Variants in UNC13B observed in about 807,000 individuals in gnomAD.
The protein encoded by UNC13B is protein unc-13 homolog B.
A neutral mutation model predicts 211.0 loss-of-function variants in UNC13B; 144 were observed. That is an observed-to-expected ratio of 0.68 (90% CI 0.60 to 0.78). The LOEUF is 0.78. Ranked by LOEUF, UNC13B falls within the 30% of genes least tolerant of loss-of-function variation. UNC13B has a pLI of 0.00. For synonymous variants in UNC13B, 709 were observed against 725.8 expected (o/e 0.98, Z 0.37); for missense variants, 1,777 against 2,002.0 (o/e 0.89, Z 2.14).
intron 11 of UNC13B, chr9:35,342,389 G>C (rs1029032313): frequency 1.0e-6 from 1 of 983,814 alleles, no homozygotes; most frequent in African/African-American, 1.7e-5. Flanking sequence ...AACAAGCAGG[G>C]CAAAAGGAAA....
intron 7 of UNC13B, among the ~76,000 whole-genome samples, chr9:35,271,569 C>T (rs1359957705): frequency 6.6e-6 from 1 of 152,168 alleles, no homozygotes; most frequent in Non-Finnish European, 1.5e-5. Flanking sequence ...CTGGTCTGTT[C>T]CTTTTCCAAA....
chr9:35,313,313 G>GT (rs1830274761), intron 10 of UNC13B, among the ~76,000 whole-genome samples: 1 of 152,076 alleles, frequency 6.6e-6, no homozygotes, highest in Admixed American at 6.6e-5. Flanking sequence ...TGCTCATTGG[G>GT]TAAATGAAAA....
chr9:35,314,139 G>C, intron 11 of UNC13B, 150 bp downstream of exon 11: 1 of 685,002 alleles, frequency 1.5e-6, no homozygotes, highest in Non-Finnish European at 2.6e-6. Flanking sequence ...TAAGGGATGG[G>C]AAGTGGCCAG....
rs1277382894 is a variant in UNC13B, at chr9:35,376,248, G to A, written c.9835+1G>A. 9 of 1,613,068 alleles carry A rather than the reference G, an allele frequency of 5.6e-6. No individual in the cohort carries two copies. The highest frequency in any genetic ancestry group is 2.2e-5 in the East Asian group (1 of 44,892). ...CTGCTCAATGCTGACTGCCTGCAGC[G>A]TGAGTGCCCTGCGGGATGAGGGGCG... On this transcript the variant is annotated splice_donor_variant, in intron 15 of 39. Transcript: ENST00000635942. LOFTEE classifies it high-confidence loss of function.
intron 26 of UNC13B, among the ~76,000 whole-genome samples, chr9:35,393,744 G>A (rs1328058246): frequency 3.3e-5 from 5 of 151,934 alleles, no homozygotes; most frequent in African/African-American, 9.7e-5. Context: ...GCTAATTTTT[G>A]TATTTTTAGT....
At chr9:35,384,837 G>C in intron 22 of UNC13B, 3 of 774,876 alleles carry the variant, frequency 3.9e-6, no homozygotes, top group Non-Finnish European at 4.7e-6. Flanking sequence ...GACAGGATAA[G>C]GAAATGGGCA....
rs978912403 is a variant in UNC13B, at chr9:35,300,584, C to T, written c.1180C>T (p.Gln394Ter). The change falls in exon 9 of 40, where the codon CAG becomes TAG. Residue 394 changes from glutamine to a stop codon, truncating the protein, a stop_gained. Coordinates refer to ENST00000635942, the MANE Select transcript of UNC13B (RefSeq NM_001371189.2). LOFTEE classifies it high-confidence loss of function. ...CATTTCTGATAAGCAGGAAAATTTA[C>T]AGTCACCAACATGGCATTCATCCAA... ...SPISDKQENLQSPTWHSSNVH... is the reference protein window; with the variant it reads ...SPISDKQENL 3 of 399,006 alleles carry T rather than the reference C, an allele frequency of 7.5e-6. No individual in the cohort carries two copies. The highest frequency in any genetic ancestry group is 8.8e-6 in the Non-Finnish European group (2 of 226,026). The allele number at this position is 399,006 out of a possible 1,614,324, so 24.7% of individuals were successfully genotyped here.
intron 6 of UNC13B, 56 bp downstream of exon 6, chr9:35,243,420 T>A: frequency 6.3e-7 from 1 of 1,586,800 alleles, no homozygotes; most frequent in Non-Finnish European, 8.6e-7. Context: ...CCAATGCTCT[T>A]TATAGGTTGC....
intron 11 of UNC13B, chr9:35,360,634 TC>T (rs1396716629): frequency 1.3e-5 from 2 of 152,174 alleles, no homozygotes; most frequent in East Asian, 3.8e-4. Flanking sequence ...CACATTAGGT[TC>T]TTTTAAAATT....
chr9:35,253,847 A>G (rs1363434135), intron 6 of UNC13B, among the ~76,000 whole-genome samples: 1 of 152,190 alleles, frequency 6.6e-6, no homozygotes, highest in Admixed American at 6.5e-5. Context: ...TGGTTGTAGG[A>G]TATGCTCTGT....
intron 11 of UNC13B, among the ~76,000 whole-genome samples, chr9:35,339,326 TC>T (rs1831847684): frequency 6.6e-6 from 1 of 152,194 alleles, no homozygotes; most frequent in Admixed American, 6.5e-5. Context: ...AAGCACCCCA[TC>T]CTTTCGGCCT....
chr9:35,257,760 T>G (rs1341459949), intron 6 of UNC13B, among the ~76,000 whole-genome samples: 1 of 152,032 alleles, frequency 6.6e-6, no homozygotes, highest in Non-Finnish European at 1.5e-5. Flanking sequence ...ATAAAGTATA[T>G]TTTATATACA....
At chr9:35,355,910 A>G (rs1832992602) in intron 11 of UNC13B, among the ~76,000 whole-genome samples, 1 of 152,242 alleles carries the variant, frequency 6.6e-6, no homozygotes, top group Admixed American at 6.5e-5. Context: ...ATGAGCACCA[A>G]TGATGAGGAC....
intron 9 of UNC13B, among the ~76,000 whole-genome samples, chr9:35,309,271 A>G (rs1830073380): frequency 6.6e-6 from 1 of 151,126 alleles, no homozygotes; most frequent in Non-Finnish European, 1.5e-5. Flanking sequence ...GTGTATACTT[A>G]TGTACAAGTA....
intron 24 of UNC13B, 27 bp from the exon 25 acceptor site, chr9:35,389,819 C>G (rs1835416096): frequency 6.2e-7 from 1 of 1,613,144 alleles, no homozygotes; most frequent in South Asian, 1.1e-5. Context: ...CTTTCTCCCT[C>G]TCTCTCACTG....
At chr9:35,385,876 A>T (rs1587746289) in intron 23 of UNC13B, 63 bp downstream of exon 23, 1 of 1,562,518 alleles carries the variant, frequency 6.4e-7, no homozygotes, top group East Asian at 2.3e-5. Context: ...GAACGTGAAG[A>T]ATGAGAATCA....
chr9:35,257,580 CAAAAAAAAAAAAAAAAA>C (rs1160474466), intron 6 of UNC13B, among the ~76,000 whole-genome samples: 14 of 36,378 alleles, frequency 3.8e-4, no homozygotes, highest in African/African-American at 2.2e-3. Context: ...GAATCTGTAT[CAAAAAAAAAAAAAAAAA>C]AAAAAAAAAA....
In UNC13B at chr9:35,242,393, A is replaced by C. The variant is rs373926421; in HGVS notation, c.395-898A>C. 7.6e-4 allele frequency among the ~76,000 whole-genome samples: 115 copies of C among 152,260 alleles called. 1 individual carries two copies. The South Asian group carries it at 0.019, about 25-fold the overall frequency. On this transcript the variant is annotated intron_variant, in intron 5 of 39. Coordinates refer to ENST00000635942, the MANE Select transcript of UNC13B (RefSeq NM_001371189.2). ...ACATTGTTGTGCAACAGATATCCAGAACTTTTTCACCTTGCAAAACTAAAA... is the reference window on the plus strand; with the variant it reads ...ACATTGTTGTGCAACAGATATCCAGCACTTTTTCACCTTGCAAAACTAAAA...
Position 35,403,810 on chromosome 9 carries a change from G to T in UNC13B, c.12800G>T (p.Cys4267Phe). 6.2e-7 allele frequency: 1 copy of T among 1,614,180 alleles called. No homozygotes were observed. ...TTGCAGATATGCGTGAAGGATTACTGCTTTGCCCGGGAAGATCGCGTGCTA... is the reference window on the plus strand; with the variant it reads ...TTGCAGATATGCGTGAAGGATTACTTCTTTGCCCGGGAAGATCGCGTGCTA... ...YELQICVKDY[C>F]FAREDRVLGL... The change falls in exon 40 of 40, where the codon TGC becomes TTC. Residue 4267 changes from cysteine to phenylalanine, a missense_variant. Cys to Phe is a radical substitution (Grantham distance 205, BLOSUM62 -2). Coordinates refer to ENST00000635942, the MANE Select transcript of UNC13B (RefSeq NM_001371189.2).
Sources: allele counts gnomAD v4.1 joint callset (sites outside exome capture counted in the v4.1 genomes callset), GRCh38; gene constraint gnomAD v4.1.1; transcripts MANE v1.5; gene names NCBI Gene and HGNC (gene_info 2026-07-23, HGNC 2026-07-21).